The following NCKAP5 variants were observed in gnomAD, a reference collection of about 807,000 sequenced individuals.
NCKAP5 encodes NCK associated protein 5.
Under a neutral mutation model 167.0 loss-of-function variants are expected in NCKAP5, and 92 were observed. The observed-to-expected ratio is 0.55, with a 90% CI of 0.47 to 0.66. NCKAP5 has a LOEUF of 0.66. Ranked by LOEUF, NCKAP5 falls within the 30% of genes least tolerant of loss-of-function variation. The pLI is 0.00. For missense variants in NCKAP5, 2,378 were observed against 2,315.0 expected (o/e 1.03, Z -0.56); for synonymous variants, 891 against 877.4 (o/e 1.02, Z -0.27).
the NCKAP5 span, among the ~76,000 whole-genome samples, chr2:133,600,004 G>A: frequency 1.3e-5 from 2 of 152,246 alleles, no homozygotes; most frequent in African/African-American, 4.8e-5. Flanking sequence ...GCCAACTTCT[G>A]TCGGCTCCCC....
At chr2:132,693,826 A>G (rs996992776) in intron 19 of NCKAP5, among the ~76,000 whole-genome samples, 1 of 151,576 alleles carries the variant, frequency 6.6e-6, no homozygotes, top group Non-Finnish European at 1.5e-5. Context: ...GGGTTTCACT[A>G]TATTGGCCAG....
intron 19 of NCKAP5, among the ~76,000 whole-genome samples, chr2:132,677,677 G>T (rs1331335922): frequency 1.3e-5 from 2 of 152,060 alleles, no homozygotes; most frequent in Non-Finnish European, 2.9e-5. Context: ...GAGTTGCCCA[G>T]AGGGTCTCTC....
chr2:133,391,127 C>T (rs1264718370), intron 3 of NCKAP5: 1 of 152,180 alleles, frequency 6.6e-6, no homozygotes, highest in African/African-American at 2.4e-5. Flanking sequence ...GTGCCAACTA[C>T]CATCTACTTT....
chr2:133,199,871 A>G (rs2085597792), intron 5 of NCKAP5, among the ~76,000 whole-genome samples: 1 of 151,960 alleles, frequency 6.6e-6, no homozygotes, highest in Admixed American at 6.6e-5. Context: ...AACTAAAGGA[A>G]GGAACTACTT....
chr2:133,550,761 G>C lies in NCKAP5; in HGVS notation c.-62+8289C>G, dbSNP rs569594173. ...AGTTCTGGCCAGGGCAATCAGGCAG[G>C]AGAAGGAAATAAAGGGTATTCAATT... On this transcript the variant is annotated intron_variant, in intron 2 of 19. Transcript: ENST00000409261. Among the ~76,000 whole-genome samples the C allele has an allele frequency of 4.1e-3, 547 of 133,392 alleles. 5 individuals are homozygous for C. The highest frequency in any genetic ancestry group is 0.022 in the Middle Eastern group (6 of 274). 87.5% of individuals were successfully genotyped at this position (133,392 alleles called of 152,430 possible).
intron 11 of NCKAP5, among the ~76,000 whole-genome samples, chr2:132,842,563 T>A (rs1574394652): frequency 6.6e-6 from 1 of 152,168 alleles, no homozygotes; most frequent in African/African-American, 2.4e-5. Flanking sequence ...TTTTTTTAAA[T>A]CCTTTCTGAG....
chr2:133,343,675 T>C (rs1683752294), intron 3 of NCKAP5, among the ~76,000 whole-genome samples: 1 of 152,210 alleles, frequency 6.6e-6, no homozygotes, highest in African/African-American at 2.4e-5. Flanking sequence ...GATACTGCCA[T>C]AGACAGGATG....
At chr2:133,634,700 G>A in the NCKAP5 span, among the ~76,000 whole-genome samples, 1 of 152,190 alleles carries the variant, frequency 6.6e-6, no homozygotes, top group East Asian at 1.9e-4. Flanking sequence ...AGCCGACATA[G>A]GATTGCCTGG....
chr2:132,757,203 A>C (rs1243077516), intron 16 of NCKAP5, among the ~76,000 whole-genome samples: 5 of 152,194 alleles, frequency 3.3e-5, no homozygotes, highest in African/African-American at 1.2e-4. Flanking sequence ...AAATGAGTGG[A>C]GCAGACACTG....
In NCKAP5 at chr2:132,784,783, A is replaced by G; in HGVS notation, c.2028T>C (p.Gly676=). ...CVTVIFDAED[G]EPIEFSSHQT... ...GGTGAGAGCTGAATTCAATGGGCTC[A>G]CCGTCTTCCGCATCAAATATCACAG... Residue 676 remains glycine (G), a synonymous_variant, in exon 14 of 20, where the codon GGT becomes GGC. Transcript: ENST00000409261. 1 of 1,605,798 alleles carries G rather than the reference A, an allele frequency of 6.2e-7. No individual in the cohort carries two copies. Among genetic ancestry groups the G allele is most frequent in the Non-Finnish European group, 8.5e-7 (1 of 1,174,824 alleles).
At chr2:132,796,268 A>C (rs1373451741) in intron 12 of NCKAP5, among the ~76,000 whole-genome samples, 1 of 152,220 alleles carries the variant, frequency 6.6e-6, no homozygotes, top group Non-Finnish European at 1.5e-5. Flanking sequence ...AGAGCCCATG[A>C]ATTTTTAAAA....
intron 6 of NCKAP5, among the ~76,000 whole-genome samples, chr2:133,128,950 T>C (rs1415401849): frequency 3.3e-5 from 5 of 149,762 alleles, no homozygotes; most frequent in Admixed American, 6.7e-5. Flanking sequence ...CACTGATTTT[T>C]TTTTTTTTTT....
chr2:133,108,562 T>G (rs1373730073), intron 6 of NCKAP5, among the ~76,000 whole-genome samples: 6 of 152,230 alleles, frequency 3.9e-5, no homozygotes, highest in Non-Finnish European at 8.8e-5. Flanking sequence ...TCATTTAACA[T>G]TCAAGGGACA....
chr2:133,314,062 C>A (rs552297638), intron 3 of NCKAP5, among the ~76,000 whole-genome samples: 5 of 152,100 alleles, frequency 3.3e-5, no homozygotes, highest in Non-Finnish European at 7.4e-5. Flanking sequence ...ATATCAGGAC[C>A]GCCTGAGCCT....
intron 10 of NCKAP5, 87 bp downstream of exon 10, chr2:132,868,849 T>C (rs1690569259): frequency 2.1e-6 from 2 of 938,000 alleles, no homozygotes; most frequent in Non-Finnish European, 3.1e-6. Flanking sequence ...ATTGCATCTA[T>C]CAATCACAAT....
At chr2:133,405,829 C>A (rs1688391542) in intron 3 of NCKAP5, among the ~76,000 whole-genome samples, 1 of 152,184 alleles carries the variant, frequency 6.6e-6, no homozygotes, top group Non-Finnish European at 1.5e-5. Flanking sequence ...CCTGCACAAA[C>A]CCCAATCTAA....
chr2:133,105,247 T>C (rs547988052), intron 6 of NCKAP5, among the ~76,000 whole-genome samples: 1 of 152,386 alleles, frequency 6.6e-6, no homozygotes, highest in Admixed American at 6.5e-5. Flanking sequence ...AGTTATTCTT[T>C]GTTTTTAACA....
At chr2:133,271,634 A>T (rs573723312) in intron 4 of NCKAP5, among the ~76,000 whole-genome samples, 2 of 152,332 alleles carry the variant, frequency 1.3e-5, no homozygotes, top group South Asian at 2.1e-4. Context: ...ATAGAGAATT[A>T]AAAAAGTAGA....
intron 5 of NCKAP5, among the ~76,000 whole-genome samples, chr2:133,205,527 C>T (rs1009769473): frequency 1.3e-5 from 2 of 152,142 alleles, no homozygotes; most frequent in African/African-American, 4.8e-5. Context: ...GCTTTACCTT[C>T]AAAATAAATC....
Sources: allele counts gnomAD v4.1 joint callset (sites outside exome capture counted in the v4.1 genomes callset), GRCh38; gene constraint gnomAD v4.1.1; transcripts MANE v1.5; gene names NCBI Gene and HGNC (gene_info 2026-07-23, HGNC 2026-07-21).